Variants in NEDD4L observed in about 807,000 individuals in gnomAD.
The protein encoded by NEDD4L is NEDD4 like E3 ubiquitin protein ligase, also known as E3 ubiquitin-protein ligase NEDD4-like.
In NEDD4L, 54 loss-of-function variants were observed where a neutral mutation model predicts 148.9. That is an observed-to-expected ratio of 0.36 (90% confidence interval 0.29 to 0.45). NEDD4L has a LOEUF of 0.45. NEDD4L is among the 20% of genes least tolerant of loss of function. The probability of loss-of-function intolerance (pLI) is 1.00; values close to 1 mark genes in which losing one functional copy is unlikely to be tolerated. For missense variants in NEDD4L, 856 were observed against 1,233.8 expected (o/e 0.69, Z 4.59); for synonymous variants, 433 against 440.7 (o/e 0.98, Z 0.22).
chr18:58,118,595 T>C (rs938293964), intron 1 of NEDD4L, among the ~76,000 whole-genome samples: 1 of 152,214 alleles, frequency 6.6e-6, no homozygotes, highest in Non-Finnish European at 1.5e-5. Flanking sequence ...TTCTTCTTTT[T>C]TGTTTTGTTG....
chr18:58,130,332 C>T lies in NEDD4L; in HGVS notation c.49-35456C>T, dbSNP rs865800714. Reference sequence around the variant, plus strand: ...TTGGTTGTGAGTGGAACTGTGGTGTCGGGCTCTGTTGGGGTTTGGTTGACT... The same window carrying T: ...TTGGTTGTGAGTGGAACTGTGGTGTTGGGCTCTGTTGGGGTTTGGTTGACT... On this transcript the variant is annotated intron_variant, in intron 1 of 30. Coordinates refer to ENST00000400345, the MANE Select transcript of NEDD4L (RefSeq NM_001144967.3). 3.9e-3 allele frequency among the ~76,000 whole-genome samples: 382 copies of T among 97,564 alleles called. 7 individuals are homozygous for T. Among genetic ancestry groups the T allele is most frequent in the African/African-American group, 0.015 (355 of 23,496 alleles). 64.0% of individuals were successfully genotyped at this position (97,564 alleles called of 152,430 possible). A position where few individuals can be genotyped will look rare whatever the true frequency, so the allele number is the denominator to read the frequency against.
chr18:58,097,357 G>A (rs1036183163), intron 1 of NEDD4L, among the ~76,000 whole-genome samples: 1 of 152,158 alleles, frequency 6.6e-6, no homozygotes, highest in Non-Finnish European at 1.5e-5. Context: ...ATTCCAAGTG[G>A]GAGAAGCATT....
chr18:58,367,810 T>C lies in NEDD4L; in HGVS notation c.2128T>C (p.Phe710Leu), dbSNP rs2046318571. Residue 710 changes from phenylalanine to leucine, a missense_variant, in exon 22 of 31, where the codon TTC (phenylalanine) becomes CTC (leucine). Around this residue, in one of 4 missense-constraint regions of NEDD4L, gnomAD observed 286 missense variants for 531.8 expected, o/e 0.54. Coordinates refer to ENST00000400345, the MANE Select transcript of NEDD4L (RefSeq NM_001144967.3). Reference protein sequence around the residue: ...GLCNEDHLSYFTFIGRVAGLA... With the variant: ...GLCNEDHLSYLTFIGRVAGLA... ...CTGTAATGAGGATCATTTGTCCTAC[T>C]TCACTTTTATTGGAAGAGTTGCTGG... The C allele has an allele frequency of 1.2e-6, 2 of 1,613,836 alleles. No homozygotes were observed. Among genetic ancestry groups the C allele is most frequent in the Non-Finnish European group, 8.5e-7 (1 of 1,179,812 alleles).
At chr18:58,226,412 CT>C (rs1460590885) in intron 2 of NEDD4L, among the ~76,000 whole-genome samples, 1 of 152,186 alleles carries the variant, frequency 6.6e-6, no homozygotes, top group African/African-American at 2.4e-5. Context: ...GTTTTCTCCC[CT>C]GACCCCCAAG....
At chr18:58,176,582 G>A (rs1323712203) in intron 2 of NEDD4L, among the ~76,000 whole-genome samples, 5 of 152,164 alleles carry the variant, frequency 3.3e-5, no homozygotes, top group African/African-American at 7.2e-5. Flanking sequence ...TGACCCTCCC[G>A]CCTTGGCCTC....
At chr18:58,285,338 T>G (rs1349879907) in intron 5 of NEDD4L, among the ~76,000 whole-genome samples, 1 of 152,068 alleles carries the variant, frequency 6.6e-6, no homozygotes, top group East Asian at 1.9e-4. Context: ...TGTGTGTGTG[T>G]GTGTGTTTGA....
At chr18:58,367,913 G>A in intron 22 of NEDD4L, 46 bp downstream of exon 22, 2 of 1,604,516 alleles carry the variant, frequency 1.2e-6, no homozygotes, top group South Asian at 1.1e-5. Flanking sequence ...CTTGCGGTTT[G>A]CTAGTAGGTG....
At chr18:58,354,319 C>T (rs577499716) in intron 18 of NEDD4L, among the ~76,000 whole-genome samples, 51 of 152,222 alleles carry the variant, frequency 3.4e-4, no homozygotes, top group African/African-American at 1.2e-3. Flanking sequence ...TCTTTCCTGT[C>T]AACAGTCTTA....
At chr18:58,107,754 T>C (rs1242690581) in intron 1 of NEDD4L, among the ~76,000 whole-genome samples, 2 of 151,332 alleles carry the variant, frequency 1.3e-5, no homozygotes, top group African/African-American at 4.9e-5. Context: ...ACAGAGTCAG[T>C]CGTGGACAAA....
At chr18:58,369,438 TCCC>T (rs2046535799) in intron 22 of NEDD4L, among the ~76,000 whole-genome samples, 1 of 83,316 alleles carries the variant, frequency 1.2e-5, no homozygotes, top group African/African-American at 4.6e-5. Context: ...GATGGGAATG[TCCC>T]TGTCGGCAGG....
intron 1 of NEDD4L, among the ~76,000 whole-genome samples, chr18:58,063,552 G>A (rs915878303): frequency 4.7e-5 from 7 of 147,786 alleles, no homozygotes; most frequent in Non-Finnish European, 8.9e-5. Flanking sequence ...AGAACAATTA[G>A]TCACGAGATA....
chr18:58,281,450 C>T (rs936160953), intron 5 of NEDD4L, among the ~76,000 whole-genome samples: 1 of 152,014 alleles, frequency 6.6e-6, no homozygotes, highest in Non-Finnish European at 1.5e-5. Context: ...TTCTGTCTTT[C>T]TGCCCACCCT....
chr18:58,385,066 A>G (rs551269089), intron 25 of NEDD4L, among the ~76,000 whole-genome samples: 73 of 152,310 alleles, frequency 4.8e-4, no homozygotes, highest in African/African-American at 1.7e-3. Flanking sequence ...ACTAGAATGA[A>G]ATATTAGATA....
intron 1 of NEDD4L, among the ~76,000 whole-genome samples, chr18:58,061,571 G>T (rs941749927): frequency 4.6e-5 from 7 of 151,688 alleles, no homozygotes; most frequent in African/African-American, 1.7e-4. Flanking sequence ...GCATAGGATC[G>T]ATTTTTTTCA....
Position 58,166,791 on chromosome 18 carries a change from G to T in NEDD4L, c.122+930G>T, listed in dbSNP as rs928803149. On this transcript the variant is annotated intron_variant, in intron 2 of 30. Transcript: ENST00000400345. ...CTGGTGAGGAGAGTTCCAGCCACTG[G>T]ATTCTCCCTCAGTCCCCTGTGCTGT... is the stretch of plus-strand genomic sequence containing the variant. Among the ~76,000 whole-genome samples, 7 of 152,248 alleles carry T rather than the reference G, an allele frequency of 4.6e-5. No homozygotes were observed. In the South Asian group the frequency reaches 1.5e-3, roughly 32 times the overall value.
chr18:58,073,854 T>G (rs986944795), intron 1 of NEDD4L, among the ~76,000 whole-genome samples: 1 of 152,200 alleles, frequency 6.6e-6, no homozygotes, highest in South Asian at 2.1e-4. Context: ...TTATGGTATA[T>G]GAAATCTCAA....
chr18:58,281,094 C>G lies in NEDD4L; in HGVS notation c.297+29040C>G, dbSNP rs892775164. Among the ~76,000 whole-genome samples the G allele has an allele frequency of 5.9e-5, 9 of 152,288 alleles. 1 individual carries two copies. In the South Asian group the frequency reaches 1.7e-3, roughly 28 times the overall value. ...CTGGGCTCAAGCGATCCTCCCGCCT[C>G]AGCCTCCTGAGTAGCTTGGACTACA... On this transcript the variant is annotated intron_variant, in intron 5 of 30. Coordinates refer to ENST00000400345, the MANE Select transcript of NEDD4L (RefSeq NM_001144967.3).
At chr18:58,082,102 A>ATATATATATTTTTTTTTTTTT in intron 1 of NEDD4L, among the ~76,000 whole-genome samples, 7 of 48,832 alleles carry the variant, frequency 1.4e-4, no homozygotes, top group East Asian at 6.1e-4. Flanking sequence ...ATATATATAT[A>ATATATATATTTTTTTTTTTTT]TTTTTTTTTT....
In NEDD4L at chr18:58,396,364, G is replaced by A. The variant is rs1602112806; in HGVS notation, c.*95G>A. The A allele has an allele frequency of 2.5e-6, 2 of 786,664 alleles. No homozygotes were observed. Among genetic ancestry groups the A allele is most frequent in the Non-Finnish European group, 2.2e-6 (1 of 464,504 alleles). 48.7% of individuals were successfully genotyped at this position (786,664 alleles called of 1,614,324 possible). A position where few individuals can be genotyped will look rare whatever the true frequency, so the allele number is the denominator to read the frequency against. On this transcript the variant is annotated 3_prime_UTR_variant, in exon 31 of 31. Coordinates refer to ENST00000400345, the MANE Select transcript of NEDD4L (RefSeq NM_001144967.3). The stretch of plus-strand genomic sequence containing the variant: ...ACTTTTGCAGAGGCGATGGCAGAGA[G>A]CAGCTGCAGGCATGGTCCCTGGAGC...
Sources: allele counts gnomAD v4.1 joint callset (sites outside exome capture counted in the v4.1 genomes callset), GRCh38; gene constraint gnomAD v4.1.1; regional missense constraint gnomAD v4.1.1; transcripts MANE v1.5; gene names NCBI Gene and HGNC (gene_info 2026-07-23, HGNC 2026-07-21).